CACNA2D4: variants seen among roughly 807,000 people sequenced by gnomAD.
CACNA2D4 encodes the protein calcium voltage-gated channel auxiliary subunit alpha2delta 4, also known as voltage-dependent calcium channel subunit alpha-2/delta-4.
Under a neutral mutation model 163.8 loss-of-function variants are expected in CACNA2D4, and 157 were observed. That is an observed-to-expected ratio of 0.96 (90% CI 0.84 to 1.09). The LOEUF is 1.09. Among genes scored for constraint, CACNA2D4 ranks in the 50% least tolerant of loss-of-function variants. The probability of loss-of-function intolerance (pLI) is 0.00; values close to 1 mark genes in which losing one functional copy is unlikely to be tolerated. For synonymous variants in CACNA2D4, 598 were observed against 586.9 expected, an observed-to-expected ratio of 1.02 and a Z score of -0.27; for missense variants, 1,410 against 1,479.9, an observed-to-expected ratio of 0.95 and a Z score of 0.78.
Position 1,861,436 on chromosome 12 carries a change from T to A in CACNA2D4, c.1879-1230A>T, listed in dbSNP as rs188540307. On this transcript the variant is annotated intron_variant, in intron 18 of 37. Coordinates refer to ENST00000382722, the MANE Select transcript of CACNA2D4 (RefSeq NM_172364.5). ...GTGTCAGAACTGGAGATCATTTTTT[T>A]ATTTTTACTCTTTTTTTTTTTTTGA... Among the ~76,000 whole-genome samples, 507 of 150,602 alleles carry A rather than the reference T, an allele frequency of 3.4e-3. 3 individuals are homozygous for A. Among genetic ancestry groups the A allele is most frequent in the African/African-American group, 0.011 (459 of 40,542 alleles).
At chr12:1,822,886 C>G (rs796971284) in intron 26 of CACNA2D4, among the ~76,000 whole-genome samples, 12 of 152,152 alleles carry the variant, frequency 7.9e-5, no homozygotes, top group Non-Finnish European at 1.6e-4. Context: ...GTCTTTGGCC[C>G]GGGGCTCTGG....
rs979444219 is a variant in CACNA2D4 at position 1,806,054 on chromosome 12, C to A, written c.2721+4224G>T. Reference sequence around the variant, plus strand: ...GGTGTGGAGGGAGCAGGGTGCTGTGCTCTGAGAGATCCAGGTCCCTCAGGG... The same window carrying A: ...GGTGTGGAGGGAGCAGGGTGCTGTGATCTGAGAGATCCAGGTCCCTCAGGG... On this transcript the variant is annotated intron_variant, in intron 29 of 37. Transcript: ENST00000382722. This position sits in a 1 kb window ranked among gnomAD's most constrained non-coding sequence, Gnocchi z 4.1. Among the ~76,000 whole-genome samples the A allele has an allele frequency of 6.6e-6, 1 of 152,202 alleles. No individual in the cohort carries two copies. The highest frequency in any genetic ancestry group is 1.5e-5 in the Non-Finnish European group (1 of 68,026).
chr12:1,834,831 C>T lies in CACNA2D4; in HGVS notation c.2551+5908G>A. The stretch of plus-strand genomic sequence containing the variant: ...TGGCCACTGCCTCCCCGAGTCCACC[C>T]TCCTCCCCGCCCTCCAGCAGACAAG... On this transcript the variant is annotated intron_variant, in intron 26 of 37. Transcript: ENST00000382722. This position sits in a 1 kb window ranked among gnomAD's most constrained non-coding sequence, Gnocchi z 7.6. The T allele has an allele frequency of 7.0e-7, 1 of 1,436,064 alleles. No homozygotes were observed. The highest frequency in any genetic ancestry group is 1.4e-5 in the African/African-American group (1 of 69,988). 89.0% of individuals were successfully genotyped at this position (1,436,064 alleles called of 1,614,324 possible). A position where few individuals can be genotyped will look rare whatever the true frequency, so the allele number is the denominator to read the frequency against.
chr12:1,811,839 G>A, intron 26 of CACNA2D4, 116 bp from the exon 27 acceptor site: 1 of 1,017,080 alleles, frequency 9.8e-7, no homozygotes, highest in Non-Finnish European at 1.5e-6. Flanking sequence ...GACCGCAGCG[G>A]ATGGGAGGAC....
At chr12:1,827,894 C>CT in intron 26 of CACNA2D4, 1 of 400,132 alleles carries the variant, frequency 2.5e-6, no homozygotes, top group East Asian at 3.7e-5. Context: ...GCCTGCCCCG[C>CT]CCCCATCCCA....
rs114770341 is a variant in CACNA2D4 at position 1,876,496 on chromosome 12, T to C, written c.1720-1159A>G. Among the ~76,000 whole-genome samples, 491 of 152,350 alleles carry C rather than the reference T, an allele frequency of 3.2e-3. 1 individual carries two copies. The highest frequency in any genetic ancestry group is 0.011 in the African/African-American group (476 of 41,586). On this transcript the variant is annotated intron_variant, in intron 16 of 37. Coordinates refer to ENST00000382722, the MANE Select transcript of CACNA2D4 (RefSeq NM_172364.5). ...AAAAAGCAAAGAGGATAGTTTATCA[T>C]TGAGGTAAATTAAGGATTAATTAAC...
At chr12:1,885,778 T>A (rs191455498) in intron 9 of CACNA2D4, among the ~76,000 whole-genome samples, 187 bp downstream of exon 9, 20 of 152,338 alleles carry the variant, frequency 1.3e-4, no homozygotes, top group African/African-American at 4.8e-4. Context: ...CACTGTTTGC[T>A]CTGATAAGCA....
chr12:1,815,083 G>A (rs1304529652), intron 26 of CACNA2D4, among the ~76,000 whole-genome samples: 1 of 152,250 alleles, frequency 6.6e-6, no homozygotes, highest in East Asian at 1.9e-4. Flanking sequence ...GTAGAGATGG[G>A]GTTTCGCCAT....
chr12:1,886,497 C>G (rs905428214), intron 7 of CACNA2D4, 124 bp from the exon 8 acceptor site: 3 of 810,156 alleles, frequency 3.7e-6, no homozygotes. Context: ...TCAGGGCAAC[C>G]CATCTATGCC....
intron 26 of CACNA2D4, among the ~76,000 whole-genome samples, chr12:1,813,858 G>A (rs981528915): frequency 6.6e-6 from 1 of 152,194 alleles, no homozygotes; most frequent in Non-Finnish European, 1.5e-5. Context: ...AGCGCACAGC[G>A]GCAGGTGAGG....
chr12:1,855,138 G>T (rs759671051), intron 22 of CACNA2D4, among the ~76,000 whole-genome samples: 4 of 152,132 alleles, frequency 2.6e-5, no homozygotes, highest in Non-Finnish European at 4.4e-5. Flanking sequence ...ATCTATATAT[G>T]TAGGCTTATT....
intron 26 of CACNA2D4, chr12:1,836,087 T>C (rs1864847580): frequency 6.6e-6 from 1 of 152,270 alleles, no homozygotes; most frequent in South Asian, 2.1e-4. Context: ...ATGGGGCCTC[T>C]GTTCCCGGGC....
At position 1,799,652 on chromosome 12, in the gene CACNA2D4, A is replaced by T. The variant is rs771415873; in HGVS notation, c.2995+23T>A. ...CGTCCCCAACCCACCGCCAGCAGGG[A>T]TGGCCTCAGCTGGGCTACTTACAGT... is the stretch of plus-strand genomic sequence containing the variant. On this transcript the variant is annotated intron_variant, in intron 34 of 37. Coordinates refer to ENST00000382722, the MANE Select transcript of CACNA2D4 (RefSeq NM_172364.5). This position sits in a 1 kb window ranked among gnomAD's most constrained non-coding sequence, Gnocchi z 4.7. 1 of 1,563,140 alleles carries T rather than the reference A, an allele frequency of 6.4e-7. No homozygotes were observed. The highest frequency in any genetic ancestry group is 8.7e-7 in the Non-Finnish European group (1 of 1,153,912).
intron 23 of CACNA2D4, among the ~76,000 whole-genome samples, chr12:1,850,721 G>T (rs1489271700): frequency 6.6e-6 from 1 of 151,996 alleles, no homozygotes; most frequent in Non-Finnish European, 1.5e-5. Context: ...TGGCTAACAT[G>T]GTGAAACCCC....
At chr12:1,877,363 C>A (rs1223087803) in intron 16 of CACNA2D4, among the ~76,000 whole-genome samples, 1 of 152,196 alleles carries the variant, frequency 6.6e-6, no homozygotes, top group Admixed American at 6.5e-5. Context: ...CCGCAGAACC[C>A]CTTGGTACAA....
rs1864791227 is a variant in CACNA2D4 at position 1,834,915 on chromosome 12, C to T, written c.2551+5824G>A. On this transcript the variant is annotated intron_variant, in intron 26 of 37. Coordinates refer to ENST00000382722, the MANE Select transcript of CACNA2D4 (RefSeq NM_172364.5). The surrounding 1 kb of genome is among the most constrained non-coding windows in gnomAD (Gnocchi z 7.6). The stretch of plus-strand genomic sequence containing the variant: ...TCCCTGAAAGCCACCGTGCTGGGGG[C>T]TCCTGCTGATGCTCCTGTCTGGGCC... The T allele has an allele frequency of 3.8e-6, 4 of 1,043,934 alleles. No individual in the cohort carries two copies. Among genetic ancestry groups the T allele is most frequent in the Non-Finnish European group, 5.3e-6 (4 of 748,512 alleles). The allele number at this position is 1,043,934 out of a possible 1,614,324, so 64.7% of individuals were successfully genotyped here.
chr12:1,879,332 T>C (rs2154449453), intron 14 of CACNA2D4, among the ~76,000 whole-genome samples: 1 of 152,280 alleles, frequency 6.6e-6, no homozygotes, highest in African/African-American at 2.4e-5. Flanking sequence ...GGCGAAGTTA[T>C]CGGGATCTCA....
intron 26 of CACNA2D4, among the ~76,000 whole-genome samples, chr12:1,822,868 C>T (rs1193205921): frequency 6.6e-6 from 1 of 152,190 alleles, no homozygotes; most frequent in African/African-American, 2.4e-5. Context: ...CACATGGAAT[C>T]TCGGGCCGTC....
At chr12:1,810,800 GTGTC>G (rs1209586650) in intron 27 of CACNA2D4, among the ~76,000 whole-genome samples, 1 of 152,156 alleles carries the variant, frequency 6.6e-6, no homozygotes, top group Non-Finnish European at 1.5e-5. Context: ...GTGCATGTGT[GTGTC>G]TATGTGTGGG....
Sources: allele counts gnomAD v4.1 joint callset (sites outside exome capture counted in the v4.1 genomes callset), GRCh38; gene constraint gnomAD v4.1.1; non-coding constraint Gnocchi (gnomAD v3.1); transcripts MANE v1.5; gene names NCBI Gene and HGNC (gene_info 2026-07-23, HGNC 2026-07-21).